The following ATP1A2 variants were observed in gnomAD, a reference collection of about 807,000 sequenced individuals.
ATP1A2 encodes the protein ATPase Na+/K+ transporting subunit alpha 2, also known as sodium/potassium-transporting ATPase subunit alpha-2.
ATP1A2 carries 56 observed loss-of-function variants against 113.1 expected under a neutral mutation model. The observed-to-expected ratio is 0.49, with a 90% CI of 0.40 to 0.62. The LOEUF (loss-of-function observed/expected upper bound fraction) is 0.62, where lower values mean the gene tolerates loss of function less well. ATP1A2 is among the 20% of genes least tolerant of loss of function. The pLI is 0.00. For synonymous variants in ATP1A2, 490 were observed against 526.8 expected (o/e 0.93, Z 0.96); for missense variants, 712 against 1,357.8 (o/e 0.52, Z 7.47).
At chr1:160,121,664 A>T (rs1651403681) in intron 3 of ATP1A2, among the ~76,000 whole-genome samples, 1 of 152,220 alleles carries the variant, frequency 6.6e-6, no homozygotes, top group South Asian at 2.1e-4. Flanking sequence ...ATTGTGATAG[A>T]TGCGTTACAT....
chr1:160,125,156 A>G lies in ATP1A2; in HGVS notation c.651A>G (p.Thr217=). The G allele has an allele frequency of 6.2e-7, 1 of 1,614,130 alleles. No individual in the cohort carries two copies. Among genetic ancestry groups the G allele is most frequent in the Non-Finnish European group, 8.5e-7 (1 of 1,180,004 alleles). Residue 217 remains threonine, a synonymous_variant, in exon 7 of 23, where the codon ACA becomes ACG. Coordinates refer to ENST00000361216, the MANE Select transcript of ATP1A2 (RefSeq NM_000702.4). ...CTCAGGTGGATAACTCATCCTTAAC[A>G]GGAGAGTCGGAGCCCCAGACCCGCT... ...HGCKVDNSSL[T]GESEPQTRSP... is the part of the protein sequence containing the mutation.
At chr1:160,122,519 C>G (rs951597008) in intron 3 of ATP1A2, among the ~76,000 whole-genome samples, 4 of 151,836 alleles carry the variant, frequency 2.6e-5, no homozygotes, top group Non-Finnish European at 5.9e-5. Context: ...ATGGTGAGTG[C>G]AGCTCTAGAA....
At chr1:160,123,902 G>A in intron 4 of ATP1A2, 41 bp from the exon 5 acceptor site, 1 of 1,583,596 alleles carries the variant, frequency 6.3e-7, no homozygotes. Flanking sequence ...CTTTAGGGTT[G>A]GGGGGAAGGT....
chr1:160,139,542 G>C, intron 20 of ATP1A2, 98 bp from the exon 21 acceptor site: 2 of 1,017,860 alleles, frequency 2.0e-6, no homozygotes, highest in Non-Finnish European at 3.1e-6. Flanking sequence ...ATGTCGTTTA[G>C]AATTCTCTCT....
chr1:160,118,009 C>G (rs530462154), intron 1 of ATP1A2, among the ~76,000 whole-genome samples: 2 of 152,010 alleles, frequency 1.3e-5, no homozygotes, highest in Non-Finnish European at 2.9e-5. Context: ...CCTGGGCAGC[C>G]GCTGGCCCCA....
chr1:160,121,237 G>C lies in ATP1A2; in HGVS notation c.163G>C (p.Val55Leu). ...SLDELGRKYQVDLSKGLTNQR... is the reference protein window; with the variant it reads ...SLDELGRKYQLDLSKGLTNQR... The stretch of plus-strand genomic sequence containing the variant: ...GGATGAGCTGGGCCGCAAATACCAA[G>C]TGGACCTGTCCAAGGTGAGTGGAGG... Residue 55 changes from valine to leucine, a missense_variant, in exon 3 of 23, where the codon GTG becomes CTG. This residue lies in a region of ATP1A2 where 109 missense variants were observed against 162.3 expected (regional missense o/e 0.67). Transcript: ENST00000361216. 4 of 1,614,240 alleles carry C rather than the reference G, an allele frequency of 2.5e-6. No homozygotes were observed. The highest frequency in any genetic ancestry group is 3.4e-6 in the Non-Finnish European group (4 of 1,180,046).
At position 160,125,265 on chromosome 1, in the gene ATP1A2, G is replaced by A. The variant is rs756743024; in HGVS notation, c.748+12G>A. 13 of 1,603,594 alleles carry A rather than the reference G, an allele frequency of 8.1e-6. No individual in the cohort carries two copies. The South Asian group carries it at 1.3e-4, about 16-fold the overall frequency. On this transcript the variant is annotated intron_variant, in intron 7 of 22. Transcript: ENST00000361216. ...CAACTGTGTTGAAGGTGAGAAGCCAGGCTGCCCCCTGTAGGAAAGAGTCTG... is the reference window on the plus strand; with the variant it reads ...CAACTGTGTTGAAGGTGAGAAGCCAAGCTGCCCCCTGTAGGAAAGAGTCTG...
At chr1:160,137,416 C>A (rs577134416) in intron 20 of ATP1A2, among the ~76,000 whole-genome samples, 1 of 152,296 alleles carries the variant, frequency 6.6e-6, no homozygotes, top group African/African-American at 2.4e-5. Context: ...CTGGAGGCCA[C>A]GTGCTGCCGA....
intron 13 of ATP1A2, 108 bp downstream of exon 13, chr1:160,130,705 C>A: frequency 6.8e-7 from 1 of 1,463,078 alleles, no homozygotes; most frequent in Non-Finnish European, 9.4e-7. Context: ...GGCCTCCTTC[C>A]CACTGACTCA....
At chr1:160,137,237 C>A in intron 20 of ATP1A2, 1 of 738,938 alleles carries the variant, frequency 1.4e-6, no homozygotes. Context: ...TTGTTATTGT[C>A]TCTCTCCACC....
intron 3 of ATP1A2, 132 bp from the exon 4 acceptor site, chr1:160,123,081 C>A: frequency 9.6e-7 from 1 of 1,039,390 alleles, no homozygotes; most frequent in South Asian, 1.4e-5. Flanking sequence ...CTGATGGTCC[C>A]CCACCCCTTC....
At position 160,135,408 on chromosome 1, in the gene ATP1A2, C is replaced by T. The variant is rs2101994997; in HGVS notation, c.2116-26C>T. 6.2e-7 allele frequency: 1 copy of T among 1,614,164 alleles called. No homozygotes were observed. The highest frequency in any genetic ancestry group is 8.5e-7 in the Non-Finnish European group (1 of 1,180,024). ...GCCAGGCTTGGGAAGGGGTTTCGTC[C>T]TCAAGTGTGGCCGTCTTCCCTCCAG... On this transcript the variant is annotated intron_variant, in intron 15 of 22. Transcript: ENST00000361216. This position sits in a 1 kb window ranked among gnomAD's most constrained non-coding sequence, Gnocchi z 6.3.
In ATP1A2 at chr1:160,121,261, G is replaced by C. The variant is rs1558002624; in HGVS notation, c.177+10G>C. 1 of 1,614,138 alleles carries C rather than the reference G, an allele frequency of 6.2e-7. No homozygotes were observed. The highest frequency in any genetic ancestry group is 8.5e-7 in the Non-Finnish European group (1 of 1,179,988). On this transcript the variant is annotated intron_variant, in intron 3 of 22. Coordinates refer to ENST00000361216, the MANE Select transcript of ATP1A2 (RefSeq NM_000702.4). ...AGTGGACCTGTCCAAGGTGAGTGGA[G>C]GGGCTTCTAGGGAAGGAACAAAAGA...
chr1:160,135,795 A>G lies in ATP1A2; in HGVS notation c.2285-44A>G, dbSNP rs771729795. On this transcript the variant is annotated intron_variant, in intron 16 of 22. Coordinates refer to ENST00000361216, the MANE Select transcript of ATP1A2 (RefSeq NM_000702.4). This position sits in a 1 kb window ranked among gnomAD's most constrained non-coding sequence, Gnocchi z 6.3. ...ATGCTTCAGGGGCTGGGGGTGGGGA[A>G]GAGTCCCTCTGACCTCCCTGATGCC... 6.2e-7 allele frequency: 1 copy of G among 1,613,862 alleles called. No homozygotes were observed. Among genetic ancestry groups the G allele is most frequent in the Non-Finnish European group, 8.5e-7 (1 of 1,179,822 alleles).
chr1:160,133,021 A>T (rs1651817186), intron 13 of ATP1A2, among the ~76,000 whole-genome samples: 1 of 151,956 alleles, frequency 6.6e-6, no homozygotes, highest in Admixed American at 6.6e-5. Flanking sequence ...CTGAGACCTC[A>T]GTGCTTCACT....
chr1:160,139,646 G>C lies in ATP1A2; in HGVS notation c.2847G>C (p.Lys949Asn). 1.2e-6 allele frequency: 2 copies of C among 1,614,102 alleles called. No homozygotes were observed. The highest frequency in any genetic ancestry group is 1.7e-6 in the Non-Finnish European group (2 of 1,180,020). Residue 949 changes from lysine to asparagine, a missense_variant, in exon 21 of 23, where the codon AAG becomes AAC. Lys to Asn is a moderately conservative substitution (Grantham distance 94). This residue lies in a region of ATP1A2 where 188 missense variants were observed against 438.9 expected (regional missense o/e 0.43). Coordinates refer to ENST00000361216, the MANE Select transcript of ATP1A2 (RefSeq NM_000702.4). ...TCCTTTCTTTGCCTTTCAGGAACAA[G>C]ATCCTGATTTTTGGGCTCCTGGAGG... ...NSVFQQGMKN[K>N]ILIFGLLEET...
At chr1:160,136,164 C>T (rs888510232) in intron 17 of ATP1A2, 83 bp from the exon 18 acceptor site, 32 of 1,605,576 alleles carry the variant, frequency 2.0e-5, no homozygotes, top group African/African-American at 6.7e-5. Context: ...TGTCAACGAT[C>T]GTCACTGTCG....
chr1:160,134,228 T>TCCCC (rs1361052003), intron 13 of ATP1A2, among the ~76,000 whole-genome samples: 2 of 18,066 alleles, frequency 1.1e-4, no homozygotes, highest in Non-Finnish European at 2.5e-4. Flanking sequence ...ACACACACAA[T>TCCCC]CCCCACCCAC....
At chr1:160,134,685 T>G in intron 14 of ATP1A2, 65 bp downstream of exon 14, 5 of 1,612,248 alleles carry the variant, frequency 3.1e-6, no homozygotes, top group Non-Finnish European at 3.4e-6. Flanking sequence ...AAGGCTTGGG[T>G]GTCCCCTGGG....
Sources: gnomAD v4.1 joint callset for allele counts (sites outside exome capture counted in the v4.1 genomes callset) on GRCh38, gnomAD v4.1.1 for gene constraint, gnomAD v4.1.1 regional missense constraint, Gnocchi (gnomAD v3.1) non-coding constraint, MANE v1.5 for transcripts, NCBI Gene and HGNC (gene_info 2026-07-23, HGNC 2026-07-21) for gene names.